PTTG1IP: variants seen among roughly 807,000 people sequenced by gnomAD.
PTTG1IP encodes the protein PTTG1 interacting protein.
In PTTG1IP, 16 loss-of-function variants were observed where a neutral mutation model predicts 24.4. The observed-to-expected ratio is 0.66, with a 90% CI of 0.44 to 1.00. PTTG1IP has a LOEUF of 1.00. Ranked by LOEUF, PTTG1IP falls within the 50% of genes least tolerant of loss-of-function variation. PTTG1IP has a pLI of 0.00. For missense variants in PTTG1IP, 241 were observed against 245.8 expected, an observed-to-expected ratio of 0.98 and a Z score of 0.13; for synonymous variants, 89 against 96.8, an observed-to-expected ratio of 0.92 and a Z score of 0.47.
intron 5 of PTTG1IP, among the ~76,000 whole-genome samples, chr21:44,853,507 C>CAAAA (rs35396285): frequency 7.4e-5 from 7 of 94,802 alleles, no homozygotes; most frequent in East Asian, 2.8e-4. Context: ...GACTCCGTCT[C>CAAAA]AAAAAAAAAA....
At chr21:44,855,138 G>T (rs2083439085) in intron 5 of PTTG1IP, 72 bp downstream of exon 5, 3 of 1,468,986 alleles carry the variant, frequency 2.0e-6, no homozygotes, top group Admixed American at 1.7e-5. Flanking sequence ...GGCCACACTG[G>T]CACTAACGAG....
intron 2 of PTTG1IP, 56 bp from the exon 3 acceptor site, chr21:44,861,327 G>A: frequency 6.8e-7 from 1 of 1,466,120 alleles, no homozygotes; most frequent in Non-Finnish European, 9.5e-7. Context: ...CCAAAGAACT[G>A]TCCAGGCTCT....
intron 3 of PTTG1IP, among the ~76,000 whole-genome samples, chr21:44,858,246 T>C (rs1350762861): frequency 6.6e-6 from 1 of 152,212 alleles, no homozygotes; most frequent in Admixed American, 6.5e-5. Flanking sequence ...AGCTCCAAAA[T>C]AATTTTGGCT....
intron 2 of PTTG1IP, among the ~76,000 whole-genome samples, chr21:44,863,888 G>A (rs1489805790): frequency 1.3e-5 from 2 of 152,244 alleles, no homozygotes; most frequent in African/African-American, 4.8e-5. Flanking sequence ...CGGTCTCGTG[G>A]AGGAAGAAGA....
In PTTG1IP at chr21:44,866,995, A is replaced by T. The variant is rs561089924; in HGVS notation, c.116-1548T>A. 9.2e-5 allele frequency among the ~76,000 whole-genome samples: 14 copies of T among 152,320 alleles called. No homozygotes were observed. In the South Asian group the frequency reaches 1.5e-3, roughly 16 times the overall value. On this transcript the variant is annotated intron_variant, in intron 1 of 5. Transcript: ENST00000330938. ...CTCTTAGTATTTCATCCAGGAGAGAAGGCGCCTGCATCCACAGATGGACCT... is the reference window on the plus strand; with the variant it reads ...CTCTTAGTATTTCATCCAGGAGAGATGGCGCCTGCATCCACAGATGGACCT...
chr21:44,871,814 T>A (rs941530411), intron 1 of PTTG1IP, among the ~76,000 whole-genome samples: 2 of 152,178 alleles, frequency 1.3e-5, no homozygotes, highest in African/African-American at 4.8e-5. Context: ...ATTCTTCCTA[T>A]TCCAAGGGGT....
chr21:44,873,596 G>C lies in PTTG1IP; in HGVS notation c.21C>G (p.Arg7=). 1 of 1,450,874 alleles carries C rather than the reference G, an allele frequency of 6.9e-7. No homozygotes were observed. The highest frequency in any genetic ancestry group is 9.1e-7 in the Non-Finnish European group (1 of 1,104,484). 89.9% of individuals were successfully genotyped at this position (1,450,874 alleles called of 1,614,324 possible). ...GCAACCTCCAGTACGGCGTCGGCCC[G>C]CGGGCCACTCCGGGCGCCATGGTCG... is the stretch of plus-strand genomic sequence containing the variant. The part of the protein sequence containing the change: MAPGVA[R]GPTPYWRLRL... The change falls in exon 1 of 6, where the codon CGC becomes CGG. Residue 7 remains arginine, a synonymous_variant. Transcript: ENST00000330938.
chr21:44,858,108 T>C (rs2083462315), intron 3 of PTTG1IP, among the ~76,000 whole-genome samples: 1 of 152,238 alleles, frequency 6.6e-6, no homozygotes, highest in African/African-American at 2.4e-5. Context: ...ACCCATGAAC[T>C]TGAACTTGAA....
At chr21:44,855,977 G>C (rs1221049006) in intron 4 of PTTG1IP, among the ~76,000 whole-genome samples, 1 of 152,312 alleles carries the variant, frequency 6.6e-6, no homozygotes, top group Non-Finnish European at 1.5e-5. Context: ...GACACCGGGC[G>C]AGGAAGCCTA....
chr21:44,862,430 A>C (rs1365550130), intron 2 of PTTG1IP, among the ~76,000 whole-genome samples: 3 of 152,202 alleles, frequency 2.0e-5, no homozygotes, highest in Non-Finnish European at 2.9e-5. Flanking sequence ...GAGGCAGGAG[A>C]ATCGCTTGAG....
chr21:44,868,788 T>C (rs1011960212), intron 1 of PTTG1IP, among the ~76,000 whole-genome samples: 1 of 151,994 alleles, frequency 6.6e-6, no homozygotes, highest in Non-Finnish European at 1.5e-5. Context: ...AGATGCCAAG[T>C]CCACTGGGTC....
chr21:44,862,476 A>G (rs1489855349), intron 2 of PTTG1IP, among the ~76,000 whole-genome samples: 6 of 152,098 alleles, frequency 3.9e-5, no homozygotes, highest in African/African-American at 1.4e-4. Flanking sequence ...CCGAGATCGC[A>G]CCATTGCACT....
At chr21:44,861,353 G>A (rs777506076) in intron 2 of PTTG1IP, 82 bp from the exon 3 acceptor site, 3 of 1,185,572 alleles carry the variant, frequency 2.5e-6, no homozygotes, top group Non-Finnish European at 3.7e-6. Flanking sequence ...CAGCCCGCCA[G>A]TGCTGCCATC....
intron 2 of PTTG1IP, among the ~76,000 whole-genome samples, chr21:44,863,361 T>C (rs77301499): frequency 0.054 from 5,855 of 108,406 alleles, 771 homozygotes; most frequent in Middle Eastern, 0.12. Context: ...TCTTGAGACC[T>C]CCCAGGCACT....
chr21:44,868,192 TAAG>T lies in PTTG1IP; in HGVS notation c.116-2748_116-2746del, dbSNP rs773043509. Among the ~76,000 whole-genome samples the T allele has an allele frequency of 5.0e-4, 76 of 152,336 alleles. 1 individual carries two copies. The highest frequency in any genetic ancestry group is 9.4e-4 in the Non-Finnish European group (64 of 68,038). Reference sequence around the variant, plus strand: ...GAGACAGGGTTACAGGAAACTTTGATAAGAACAGCACTGCTGACGTTCCCAAGT... The same window carrying T: ...GAGACAGGGTTACAGGAAACTTTGATAACAGCACTGCTGACGTTCCCAAGT... On this transcript the variant is annotated intron_variant, in intron 1 of 5. Transcript: ENST00000330938.
At chr21:44,859,358 A>G (rs2083473304) in intron 3 of PTTG1IP, among the ~76,000 whole-genome samples, 1 of 152,082 alleles carries the variant, frequency 6.6e-6, no homozygotes, top group South Asian at 2.1e-4. Context: ...TAACCTGTAT[A>G]CGTATGCAAA....
At chr21:44,866,680 A>AACAC (rs34646417) in intron 1 of PTTG1IP, among the ~76,000 whole-genome samples, 29,778 of 144,866 alleles carry the variant, frequency 0.21, 3,163 homozygotes, top group Middle Eastern at 0.26. Flanking sequence ...CCAATCCCAT[A>AACAC]ACACACACAC....
At chr21:44,853,835 T>C (rs116307855) in intron 5 of PTTG1IP, among the ~76,000 whole-genome samples, 1,637 of 151,886 alleles carry the variant, frequency 0.011, 30 homozygotes, top group African/African-American at 0.037. Context: ...CGGGAACACA[T>C]AGGAAAAAGC....
In PTTG1IP at chr21:44,853,483, G is replaced by A. The variant is rs138434374; in HGVS notation, c.496+1727C>T. Among the ~76,000 whole-genome samples, 229 of 149,596 alleles carry A rather than the reference G, an allele frequency of 1.5e-3. 7 individuals are homozygous for A. The East Asian group carries it at 0.038, about 25-fold the overall frequency. On this transcript the variant is annotated intron_variant, in intron 5 of 5. Coordinates refer to ENST00000330938, the MANE Select transcript of PTTG1IP (RefSeq NM_004339.4). ...ACATCGCGCCACTGCACTCCAGCCT[G>A]GGCGACAAGGTGAGACTCCGTCTCA...
Sources: allele counts gnomAD v4.1 joint callset (sites outside exome capture counted in the v4.1 genomes callset), GRCh38; gene constraint gnomAD v4.1.1; transcripts MANE v1.5; gene names NCBI Gene and HGNC (gene_info 2026-07-23, HGNC 2026-07-21).